The following WWOX variants were observed in gnomAD, a reference collection of about 807,000 sequenced individuals.
The protein encoded by WWOX is WW domain-containing oxidoreductase.
WWOX carries 69 observed loss-of-function variants against 46.2 expected under a neutral mutation model. The ratio of observed to expected loss-of-function variants is 1.49; its 90% confidence interval spans 1.23 to 1.82. The LOEUF is 1.82. Among genes scored for constraint, WWOX ranks in the 40% most tolerant of loss-of-function variants. The pLI, the probability that WWOX is intolerant of heterozygous loss-of-function variation, is 0.00. For missense variants in WWOX, 919 were observed against 542.6 expected (o/e 1.69, Z -6.89); for synonymous variants, 359 against 202.6 (o/e 1.77, Z -6.56).
At chr16:78,334,924 TAAAA>T (rs538880972) in intron 5 of WWOX, among the ~76,000 whole-genome samples, 10,339 of 140,448 alleles carry the variant, frequency 0.074, 1,102 homozygotes, top group African/African-American at 0.24. Context: ...CATCTTTTTT[TAAAA>T]AAAAAAAAAA....
intron 8 of WWOX, among the ~76,000 whole-genome samples, chr16:79,080,688 C>T (rs1279471336): frequency 1.3e-5 from 2 of 152,084 alleles, no homozygotes; most frequent in African/African-American, 2.4e-5. Flanking sequence ...ATGGCTTAGC[C>T]GGGTACAGTG....
intron 5 of WWOX, among the ~76,000 whole-genome samples, chr16:78,202,880 C>T (rs1365694087): frequency 6.7e-6 from 1 of 149,820 alleles, no homozygotes; most frequent in African/African-American, 2.5e-5. Flanking sequence ...CTTGGAACAG[C>T]ATAGGTGAAT....
At chr16:78,832,422 A>G (rs2051855781) in intron 8 of WWOX, among the ~76,000 whole-genome samples, 2 of 152,222 alleles carry the variant, frequency 1.3e-5, no homozygotes, top group South Asian at 4.1e-4. Context: ...TCTATTGATT[A>G]GAAGAATACT....
At chr16:78,559,825 G>A (rs2044391375) in intron 8 of WWOX, among the ~76,000 whole-genome samples, 1 of 152,156 alleles carries the variant, frequency 6.6e-6, no homozygotes. Flanking sequence ...GACCTCAAGT[G>A]AACAGGCACA....
intron 8 of WWOX, among the ~76,000 whole-genome samples, chr16:78,997,184 A>T (rs2047007724): frequency 6.6e-6 from 1 of 152,070 alleles, no homozygotes; most frequent in Non-Finnish European, 1.5e-5. Context: ...GAAGAGGAGG[A>T]GGAGAGGATG....
At chr16:78,219,965 A>G (rs1009337571) in intron 5 of WWOX, among the ~76,000 whole-genome samples, 7 of 152,226 alleles carry the variant, frequency 4.6e-5, no homozygotes, top group South Asian at 2.1e-4. Context: ...CAATAAAGCT[A>G]TAATACTCTT....
At chr16:78,977,745 C>A (rs112086685) in intron 8 of WWOX, among the ~76,000 whole-genome samples, 1 of 152,064 alleles carries the variant, frequency 6.6e-6, no homozygotes, top group African/African-American at 2.4e-5. Context: ...AGTCTGTGAC[C>A]GTCCTGAAGG....
chr16:78,466,658 TGTCTCTACTATAAACTCC>T (rs1343833656), intron 8 of WWOX, among the ~76,000 whole-genome samples: 2 of 152,034 alleles, frequency 1.3e-5, no homozygotes, highest in African/African-American at 4.8e-5. Context: ...GGTGAAACCC[TGTCTCTACTATAAACTCC>T]GTCTCTACTA....
At chr16:79,205,324 A>T (rs1252383931) in intron 8 of WWOX, 1 of 152,200 alleles carries the variant, frequency 6.6e-6, no homozygotes. Flanking sequence ...CTGGGGAATG[A>T]CACTCTTCAC....
chr16:78,568,251 T>A (rs1273179131), intron 8 of WWOX, among the ~76,000 whole-genome samples: 1 of 151,858 alleles, frequency 6.6e-6, no homozygotes, highest in Admixed American at 6.6e-5. Context: ...TTTTAGAAAA[T>A]ATATGAGGTA....
intron 5 of WWOX, among the ~76,000 whole-genome samples, chr16:78,201,812 G>A (rs1487296801): frequency 6.6e-6 from 1 of 151,946 alleles, no homozygotes; most frequent in African/African-American, 2.4e-5. Flanking sequence ...TGATTCTCTT[G>A]CCTCAGCCCC....
At chr16:79,135,525 A>G (rs1298927426) in intron 8 of WWOX, among the ~76,000 whole-genome samples, 1 of 152,358 alleles carries the variant, frequency 6.6e-6, no homozygotes, top group East Asian at 1.9e-4. Context: ...TTTGCATATT[A>G]TAAGTTGCAT....
At chr16:78,743,898 A>T (rs546707858) in intron 8 of WWOX, among the ~76,000 whole-genome samples, 2 of 152,330 alleles carry the variant, frequency 1.3e-5, no homozygotes, top group East Asian at 1.9e-4. Flanking sequence ...AAAATTCTTT[A>T]ACCAGGCTCT....
chr16:79,182,596 G>A (rs2050934374), intron 8 of WWOX, among the ~76,000 whole-genome samples: 1 of 152,084 alleles, frequency 6.6e-6, no homozygotes, highest in South Asian at 2.1e-4. Flanking sequence ...GAATATCAGG[G>A]TGTTTAAAAG....
chr16:78,815,880 C>T (rs1013917774), intron 8 of WWOX, among the ~76,000 whole-genome samples: 1 of 152,102 alleles, frequency 6.6e-6, no homozygotes, highest in Non-Finnish European at 1.5e-5. Flanking sequence ...TTGAGAGTGA[C>T]TTCCAAGATA....
At chr16:78,659,116 A>AC (rs1433997188) in intron 8 of WWOX, among the ~76,000 whole-genome samples, 7 of 151,468 alleles carry the variant, frequency 4.6e-5, no homozygotes, top group African/African-American at 1.2e-4. Flanking sequence ...AAACAAACAA[A>AC]AAAAAAACAA....
chr16:78,424,972 C>T lies in WWOX; in HGVS notation c.708C>T (p.His236=). 6.2e-7 allele frequency: 1 copy of T among 1,614,166 alleles called. No homozygotes were observed. Residue 236 remains histidine (H), a synonymous_variant, in exon 7 of 9, where the codon CAC becomes CAT. Transcript: ENST00000566780. ...CCTTTCAAGTGAATCATCTGGGGCA[C>T]TTCTACCTTGTCCAGCTCCTCCAGG... ...ETTFQVNHLG[H]FYLVQLLQDV...
chr16:78,538,957 C>T (rs150022663), intron 8 of WWOX, among the ~76,000 whole-genome samples: 15 of 152,284 alleles, frequency 9.9e-5, no homozygotes, highest in Admixed American at 2.0e-4. Flanking sequence ...CTGCTTTGGA[C>T]GGCAAACCAA....
At chr16:78,478,430 T>C (rs564978412) in intron 8 of WWOX, among the ~76,000 whole-genome samples, 9 of 152,272 alleles carry the variant, frequency 5.9e-5, no homozygotes, top group Admixed American at 2.6e-4. Context: ...ACCCCGGGGT[T>C]CCTTTTCAGA....
Sources: allele counts gnomAD v4.1 joint callset (sites outside exome capture counted in the v4.1 genomes callset), GRCh38; gene constraint gnomAD v4.1.1; transcripts MANE v1.5; gene names NCBI Gene and HGNC (gene_info 2026-07-23, HGNC 2026-07-21).